The following SYNC variants were observed in gnomAD, a reference collection of about 807,000 sequenced individuals.
SYNC encodes syncoilin.
Under a neutral mutation model 49.5 loss-of-function variants are expected in SYNC, and 38 were observed. The ratio of observed to expected loss-of-function variants is 0.77; its 90% CI spans 0.59 to 1.01. SYNC has a LOEUF of 1.01. Ranked by LOEUF, SYNC falls within the 50% of genes least tolerant of loss-of-function variation. The pLI is 0.00. For missense variants in SYNC, 579 were observed against 580.6 expected (o/e 1.00, Z 0.03); for synonymous variants, 201 against 230.8 (o/e 0.87, Z 1.17).
intron 1 of SYNC, among the ~76,000 whole-genome samples, chr1:32,701,893 G>C (rs1650682833): frequency 6.6e-6 from 1 of 152,226 alleles, no homozygotes; most frequent in Non-Finnish European, 1.5e-5. Context: ...GTGGACAGCA[G>C]TATGGGTGAG....
At chr1:32,687,582 A>C (rs536350003) in intron 2 of SYNC, among the ~76,000 whole-genome samples, 2 of 150,794 alleles carry the variant, frequency 1.3e-5, no homozygotes, top group Admixed American at 1.3e-4. Flanking sequence ...GAGGCAGGAG[A>C]ATTGACTTGA....
Position 32,681,796 on chromosome 1 carries a change from C to A in SYNC, c.*54G>T, listed in dbSNP as rs374709828. Reference sequence around the variant, plus strand: ...GTACATCCAAAGGGTACTTAGTGATCCTTTGCTAAGAAGTTTTTTGCTGTT... The same window carrying A: ...GTACATCCAAAGGGTACTTAGTGATACTTTGCTAAGAAGTTTTTTGCTGTT... On this transcript the variant is annotated 3_prime_UTR_variant, in exon 5 of 5. Transcript: ENST00000409190. The A allele has an allele frequency of 1.9e-6, 3 of 1,613,978 alleles. No homozygotes were observed. In the African/African-American group the frequency reaches 4.0e-5, roughly 22 times the overall value.
In SYNC at chr1:32,702,652, G is replaced by A; in HGVS notation, c.9C>T (p.Ser3=). 1.7e-6 allele frequency: 2 copies of A among 1,200,256 alleles called. No homozygotes were observed. Among genetic ancestry groups the A allele is most frequent in the Admixed American group, 4.4e-5 (1 of 22,534 alleles). The allele number at this position is 1,200,256 out of a possible 1,614,324, so 74.4% of individuals were successfully genotyped here. A position where few individuals can be genotyped will look rare whatever the true frequency, so the allele number is the denominator to read the frequency against. Residue 3 remains serine, a synonymous_variant, in exon 1 of 5, where the codon AGC becomes AGT. Transcript: ENST00000409190. This position sits in a 1 kb window ranked among gnomAD's most constrained non-coding sequence, Gnocchi z 6.2. MA[S]PEPRRGGDGA... is the part of the protein sequence containing the mutation. The stretch of plus-strand genomic sequence containing the variant: ...CGTCCCCGCCGCGCCGGGGCTCCGG[G>A]CTGGCCATGGCTGCGCGACCCCGGG...
At chr1:32,696,155 C>CGAATGGCTGCTGA in intron 1 of SYNC, 111 bp from the exon 2 acceptor site, 2 of 838,470 alleles carry the variant, frequency 2.4e-6, no homozygotes, top group Non-Finnish European at 3.6e-6. Flanking sequence ...ATGTCAGCAG[C>CGAATGGCTGCTGA]CATTCGTCTG....
At chr1:32,688,768 A>G (rs2148552278) in intron 2 of SYNC, among the ~76,000 whole-genome samples, 1 of 151,294 alleles carries the variant, frequency 6.6e-6, no homozygotes, top group African/African-American at 2.4e-5. Context: ...ATTTTTAGCG[A>G]GACAGGGTTT....
chr1:32,681,694 G>A lies in SYNC; in HGVS notation c.*156C>T, dbSNP rs1570885126. 8.8e-7 allele frequency: 1 copy of A among 1,131,844 alleles called. No homozygotes were observed. The highest frequency in any genetic ancestry group is 2.1e-5 in the Admixed American group (1 of 46,858). 70.1% of individuals were successfully genotyped at this position (1,131,844 alleles called of 1,614,324 possible). ...CCGGCCAACTCTAGAATCTTTTTAA[G>A]CAGGTCAGCCAGTATTTGCAACTTC... On this transcript the variant is annotated 3_prime_UTR_variant, in exon 5 of 5. Transcript: ENST00000409190.
intron 2 of SYNC, among the ~76,000 whole-genome samples, chr1:32,687,039 T>A (rs572188070): frequency 6.6e-6 from 1 of 152,162 alleles, no homozygotes; most frequent in Non-Finnish European, 1.5e-5. Flanking sequence ...GAGAAAACTT[T>A]AGTTTTGGAA....
chr1:32,694,958 T>C lies in SYNC; in HGVS notation c.1140A>G (p.Ala380=). Residue 380 remains alanine (A), a synonymous_variant, in exon 2 of 5, where the codon GCA becomes GCG. Transcript: ENST00000409190. ...EMKEALRPLQ[A]EARQLRLQNR... The stretch of plus-strand genomic sequence containing the variant: ...TTTGCAGGCGGAGCTGCCGGGCCTC[T>C]GCTTGCAGGGGTCTCAGAGCCTCCT... 6.2e-7 allele frequency: 1 copy of C among 1,614,104 alleles called. No homozygotes were observed. The highest frequency in any genetic ancestry group is 8.5e-7 in the Non-Finnish European group (1 of 1,180,020).
Position 32,680,712 on chromosome 1 carries a change from TCTAGAAGAGTCCTTCAGATGA to T in SYNC, c.*1117_*1137del. ...ATCCATCAAACACCAGTCTCTGGCT[TCTAGAAGAGTCCTTCAGATGA>T]CAGTTGTTGTCCATGGTCTTTGACT... On this transcript the variant is annotated 3_prime_UTR_variant, in exon 5 of 5. Transcript: ENST00000409190. The T allele has an allele frequency of 1.7e-6, 1 of 602,220 alleles. No homozygotes were observed. The highest frequency in any genetic ancestry group is 3.0e-5 in the East Asian group (1 of 32,886). The allele number at this position is 602,220 out of a possible 1,614,324, so 37.3% of individuals were successfully genotyped here.
At chr1:32,681,981 G>C (rs575511410) in intron 4 of SYNC, 121 bp from the exon 5 acceptor site, 1 of 849,714 alleles carries the variant, frequency 1.2e-6, no homozygotes, top group Non-Finnish European at 1.9e-6. Flanking sequence ...CTTTCCCCTA[G>C]CAAATATTTG....
At chr1:32,694,589 G>A (rs1010932326) in intron 2 of SYNC, among the ~76,000 whole-genome samples, 1 of 151,866 alleles carries the variant, frequency 6.6e-6, no homozygotes, top group Non-Finnish European at 1.5e-5. Flanking sequence ...AGGAGGCAGA[G>A]CTTGTAGTGA....
chr1:32,689,669 G>A (rs901191646), intron 2 of SYNC, among the ~76,000 whole-genome samples: 8 of 152,104 alleles, frequency 5.3e-5, no homozygotes, highest in Non-Finnish European at 1.0e-4. Context: ...TGGGCCGGGC[G>A]TGGTGGCTCA....
At chr1:32,689,678 C>T (rs1341995511) in intron 2 of SYNC, among the ~76,000 whole-genome samples, 2 of 151,876 alleles carry the variant, frequency 1.3e-5, no homozygotes, top group South Asian at 2.1e-4. Flanking sequence ...CGTGGTGGCT[C>T]ATGCCTGTAA....
In SYNC at chr1:32,680,542, A is replaced by G. The variant is rs1420301947; in HGVS notation, c.*1308T>C. ...TTTTTTTAGGAGTTAGTCCTTGACC[A>G]CTAGTTTGATGCCATCTCCATTTTG... On this transcript the variant is annotated 3_prime_UTR_variant, in exon 5 of 5. Coordinates refer to ENST00000409190, the MANE Select transcript of SYNC (RefSeq NM_030786.3). The G allele has an allele frequency of 3.9e-6, 6 of 1,540,478 alleles. No homozygotes were observed. The highest frequency in any genetic ancestry group is 5.3e-6 in the Non-Finnish European group (6 of 1,140,116).
chr1:32,682,923 T>TGG (rs1308393503), intron 4 of SYNC: 1 of 152,110 alleles, frequency 6.6e-6, no homozygotes, highest in Non-Finnish European at 1.5e-5. Flanking sequence ...GGTAAAACAT[T>TGG]GGGGGAGGGA....
chr1:32,694,228 G>A (rs1468839984), intron 2 of SYNC, among the ~76,000 whole-genome samples: 1 of 152,092 alleles, frequency 6.6e-6, no homozygotes, highest in African/African-American at 2.4e-5. Context: ...GCATGTTGGT[G>A]CACAGTTGTG....
chr1:32,702,758 G>A lies in SYNC; in HGVS notation c.-98C>T. On this transcript the variant is annotated 5_prime_UTR_variant, in exon 1 of 5. Coordinates refer to ENST00000409190, the MANE Select transcript of SYNC (RefSeq NM_030786.3). The surrounding 1 kb of genome is among the most constrained non-coding windows in gnomAD (Gnocchi z 6.2). ...GCCCGCCGCACTGCCAGCTGCAACC[G>A]ACACCGGATCCCGGCCGGCCCCGGG... 4.0e-6 allele frequency: 4 copies of A among 1,002,032 alleles called. No homozygotes were observed. Among genetic ancestry groups the A allele is most frequent in the Non-Finnish European group, 4.8e-6 (4 of 825,404 alleles). 62.1% of individuals were successfully genotyped at this position (1,002,032 alleles called of 1,614,324 possible).
In SYNC at chr1:32,684,407, T is replaced by C. The variant is rs772927260; in HGVS notation, c.1234-25A>G. 4.3e-6 allele frequency: 7 copies of C among 1,613,764 alleles called. No homozygotes were observed. The African/African-American group carries it at 9.3e-5, about 22-fold the overall frequency. On this transcript the variant is annotated intron_variant, in intron 2 of 4. Transcript: ENST00000409190. Reference sequence around the variant, plus strand: ...CCTGCATGAGATGGCCAAGAACATTTCTAATGAGCCAAACAATAAAAACTC... The same window carrying C: ...CCTGCATGAGATGGCCAAGAACATTCCTAATGAGCCAAACAATAAAAACTC...
intron 2 of SYNC, chr1:32,685,765 G>A (rs2148546747): frequency 1.3e-5 from 2 of 152,336 alleles, no homozygotes; most frequent in South Asian, 4.1e-4. Context: ...TGGAAAAGCA[G>A]TCTGCACCAC....
Sources: gnomAD v4.1 joint callset for allele counts (sites outside exome capture counted in the v4.1 genomes callset) on GRCh38, gnomAD v4.1.1 for gene constraint, Gnocchi (gnomAD v3.1) non-coding constraint, MANE v1.5 for transcripts, NCBI Gene and HGNC (gene_info 2026-07-23, HGNC 2026-07-21) for gene names.